The following TAFA5 variants were observed in gnomAD, a reference collection of about 807,000 sequenced individuals.
The protein encoded by TAFA5 is chemokine-like protein TAFA-5.
A neutral mutation model predicts 15.3 loss-of-function variants in TAFA5; 6 were observed. The observed-to-expected ratio is 0.39, with a 90% CI of 0.21 to 0.77. The LOEUF (loss-of-function observed/expected upper bound fraction) is 0.77, where lower values mean the gene tolerates loss of function less well. Among genes scored for constraint, TAFA5 ranks in the 30% least tolerant of loss-of-function variants. The pLI is 0.41. For synonymous variants in TAFA5, 103 were observed against 80.7 expected, an observed-to-expected ratio of 1.28 and a Z score of -1.48; for missense variants, 161 against 193.1, an observed-to-expected ratio of 0.83 and a Z score of 0.98.
intron 1 of TAFA5, among the ~76,000 whole-genome samples, chr22:48,512,940 A>ATG (rs1569163991): frequency 6.7e-6 from 1 of 148,364 alleles, no homozygotes; most frequent in East Asian, 2.0e-4. Flanking sequence ...AAAAAAAAAA[A>ATG]AAAAGAGAGA....
At chr22:48,663,251 C>T (rs180848572) in intron 2 of TAFA5, among the ~76,000 whole-genome samples, 11 of 152,300 alleles carry the variant, frequency 7.2e-5, no homozygotes, top group African/African-American at 2.4e-4. Flanking sequence ...GACATGTCAA[C>T]GGGGTGCTGC....
intron 1 of TAFA5, among the ~76,000 whole-genome samples, chr22:48,618,389 G>A (rs118157307): frequency 0.011 from 1,684 of 152,356 alleles, 28 homozygotes; most frequent in Non-Finnish European, 0.014. Flanking sequence ...ATTAGAAAAA[G>A]GCCATGCGTG....
chr22:48,570,443 C>T (rs1359645049), intron 1 of TAFA5, among the ~76,000 whole-genome samples: 1 of 152,130 alleles, frequency 6.6e-6, no homozygotes, highest in Non-Finnish European at 1.5e-5. Context: ...AGGATTTCAC[C>T]TCCTTCTTCC....
At chr22:48,719,871 C>T (rs1189933021) in intron 3 of TAFA5, among the ~76,000 whole-genome samples, 1 of 152,096 alleles carries the variant, frequency 6.6e-6, no homozygotes, top group Non-Finnish European at 1.5e-5. Flanking sequence ...GTATTGTAAG[C>T]AGTGACACTC....
At position 48,729,287 on chromosome 22, in the gene TAFA5, A is replaced by AATAATTTTATATTTATTTATAAATAT. The variant is rs1601702705; in HGVS notation, c.391-20546_391-20521dup. Among the ~76,000 whole-genome samples, 6 of 133,578 alleles carry AATAATTTTATATTTATTTATAAATAT rather than the reference A, an allele frequency of 4.5e-5. No homozygotes were observed. In the East Asian group the frequency reaches 1.0e-3, roughly 22 times the overall value. The allele number at this position is 133,578 out of a possible 152,430, so 87.6% of individuals were successfully genotyped here. A position where few individuals can be genotyped will look rare whatever the true frequency, so the allele number is the denominator to read the frequency against. ...ATTTTATATTTATTTATAAATATAT[A>AATAATTTTATATTTATTTATAAATAT]ATAATTTTATATTTATTTATAAATA... On this transcript the variant is annotated intron_variant, in intron 3 of 3. Transcript: ENST00000402357.
At chr22:48,631,603 C>T (rs571488988) in intron 1 of TAFA5, among the ~76,000 whole-genome samples, 2 of 152,306 alleles carry the variant, frequency 1.3e-5, no homozygotes, top group East Asian at 1.9e-4. Flanking sequence ...ACAGCCCCGG[C>T]GTCACACCGG....
At chr22:48,642,792 G>T (rs944116715) in intron 1 of TAFA5, among the ~76,000 whole-genome samples, 1 of 152,110 alleles carries the variant, frequency 6.6e-6, no homozygotes, top group Non-Finnish European at 1.5e-5. Flanking sequence ...CATGTGGGGG[G>T]TGTGTTTGGT....
intron 3 of TAFA5, among the ~76,000 whole-genome samples, chr22:48,728,109 A>G (rs1929763029): frequency 6.6e-6 from 1 of 152,272 alleles, no homozygotes. Context: ...TATCTAAATT[A>G]TAGTATACAA....
intron 2 of TAFA5, among the ~76,000 whole-genome samples, chr22:48,670,476 G>A (rs1028705529): frequency 2.6e-5 from 4 of 152,360 alleles, no homozygotes; most frequent in African/African-American, 9.6e-5. Flanking sequence ...AGCCCATGGC[G>A]GGCTGTCAGC....
chr22:48,495,263 C>A (rs973026883), intron 1 of TAFA5, among the ~76,000 whole-genome samples: 6 of 152,188 alleles, frequency 3.9e-5, no homozygotes, highest in African/African-American at 1.4e-4. Context: ...CCAGGGTATT[C>A]ATTTAATTAG....
At chr22:48,741,967 G>A (rs1930192077) in intron 3 of TAFA5, among the ~76,000 whole-genome samples, 1 of 152,222 alleles carries the variant, frequency 6.6e-6, no homozygotes, top group South Asian at 2.1e-4. Context: ...CTCTTAGGCT[G>A]AACTCTTGAA....
At chr22:48,663,741 T>G (rs752639337) in intron 2 of TAFA5, among the ~76,000 whole-genome samples, 2 of 152,224 alleles carry the variant, frequency 1.3e-5, no homozygotes, top group Non-Finnish European at 2.9e-5. Context: ...CCCTCCCTTT[T>G]CCTGGCATAT....
At chr22:48,721,295 C>G (rs1289587618) in intron 3 of TAFA5, among the ~76,000 whole-genome samples, 1 of 152,228 alleles carries the variant, frequency 6.6e-6, no homozygotes, top group South Asian at 2.1e-4. Flanking sequence ...ACCATTTCAG[C>G]CCGCCCACTG....
chr22:48,546,700 C>T, intron 1 of TAFA5: 1 of 431,474 alleles, frequency 2.3e-6, no homozygotes. Context: ...CACCTCCATT[C>T]CTCCAGGTGC....
At chr22:48,681,651 CAAAAAAAAAA>C (rs11327855) in intron 2 of TAFA5, among the ~76,000 whole-genome samples, 1 of 120,738 alleles carries the variant, frequency 8.3e-6, no homozygotes, top group South Asian at 2.7e-4. Flanking sequence ...ACTCCATCTC[CAAAAAAAAAA>C]AAAAAGAAAA....
intron 1 of TAFA5, among the ~76,000 whole-genome samples, chr22:48,596,796 C>T (rs2147162078): frequency 6.6e-6 from 1 of 151,974 alleles, no homozygotes; most frequent in East Asian, 2.0e-4. Flanking sequence ...TGCTGGATGC[C>T]ATCATTTTCA....
intron 1 of TAFA5, among the ~76,000 whole-genome samples, chr22:48,576,744 C>T (rs1226419579): frequency 2.0e-5 from 3 of 151,424 alleles, no homozygotes; most frequent in Admixed American, 1.3e-4. Context: ...AGGAGCCCGA[C>T]CCCCCGCGGA....
In TAFA5 at chr22:48,678,193, G is replaced by C. The variant is rs371295576; in HGVS notation, c.263-29524G>C. Among the ~76,000 whole-genome samples, 6 of 152,194 alleles carry C rather than the reference G, an allele frequency of 3.9e-5. No individual in the cohort carries two copies. In the East Asian group the frequency reaches 1.2e-3, roughly 29 times the overall value. On this transcript the variant is annotated intron_variant, in intron 2 of 3. Coordinates refer to ENST00000402357, the MANE Select transcript of TAFA5 (RefSeq NM_001082967.3). ...CTGGGCCCCATGTTCCCTCTGCTGA[G>C]GGCTTCTGAGGCTTCTCTTTCCTGT... is the stretch of plus-strand genomic sequence containing the variant.
intron 1 of TAFA5, among the ~76,000 whole-genome samples, chr22:48,589,900 G>T (rs972459260): frequency 6.6e-6 from 1 of 152,120 alleles, no homozygotes; most frequent in East Asian, 1.9e-4. Context: ...TTTAAGCCAC[G>T]AGTTTGTGGT....
Sources: gnomAD v4.1 joint callset for allele counts (sites outside exome capture counted in the v4.1 genomes callset) on GRCh38, gnomAD v4.1.1 for gene constraint, MANE v1.5 for transcripts, NCBI Gene and HGNC (gene_info 2026-07-23, HGNC 2026-07-21) for gene names.